PRKN: variants seen among roughly 807,000 people sequenced by gnomAD.
PRKN encodes E3 ubiquitin-protein ligase parkin.
Under a neutral mutation model 59.5 loss-of-function variants are expected in PRKN, and 56 were observed. The observed-to-expected ratio is 0.94, with a 90% CI of 0.76 to 1.18. The LOEUF (loss-of-function observed/expected upper bound fraction) is 1.18, where lower values mean the gene tolerates loss of function less well. Ranked by LOEUF, PRKN falls within the 50% of genes most tolerant of loss-of-function variation. PRKN has a pLI of 0.00. For synonymous variants in PRKN, 250 were observed against 222.1 expected, an observed-to-expected ratio of 1.13 and a Z score of -1.12; for missense variants, 657 against 596.4, an observed-to-expected ratio of 1.10 and a Z score of -1.06.
intron 7 of PRKN, among the ~76,000 whole-genome samples, chr6:161,760,833 C>T (rs9458359): frequency 0.52 from 79,172 of 151,996 alleles, 20,795 homozygotes; most frequent in East Asian, 0.57. Context: ...CTGATGTTCC[C>T]TAATATTTGT....
Position 161,818,689 on chromosome 6 carries a change from A to G in PRKN, c.735-32781T>C, listed in dbSNP as rs1026044019. Among the ~76,000 whole-genome samples, 3 of 152,128 alleles carry G rather than the reference A, an allele frequency of 2.0e-5. No homozygotes were observed. In the East Asian group the frequency reaches 5.8e-4, roughly 29 times the overall value. On this transcript the variant is annotated intron_variant, in intron 6 of 11. Transcript: ENST00000366898. ...TTGGAAAGGTTACTAGATAGCAAGG[A>G]AAACCATTTTCACAGAAGGCAGTAA...
chr6:161,496,674 C>T (rs1777763032), intron 9 of PRKN, among the ~76,000 whole-genome samples: 1 of 152,158 alleles, frequency 6.6e-6, no homozygotes, highest in South Asian at 2.1e-4. Context: ...GGGATTATTA[C>T]AATTTAAGGG....
chr6:162,488,381 A>AG (rs1267750488), intron 1 of PRKN, among the ~76,000 whole-genome samples: 2 of 152,164 alleles, frequency 1.3e-5, no homozygotes, highest in Non-Finnish European at 2.9e-5. Flanking sequence ...AAGTGCCACC[A>AG]GTGTGGATGC....
At chr6:162,422,410 T>C (rs999963062) in intron 2 of PRKN, among the ~76,000 whole-genome samples, 2 of 152,126 alleles carry the variant, frequency 1.3e-5, no homozygotes, top group African/African-American at 4.8e-5. Flanking sequence ...TGAAACAGTA[T>C]CACATGGTAG....
chr6:161,831,205 G>A (rs574911958), intron 6 of PRKN, among the ~76,000 whole-genome samples: 3 of 152,312 alleles, frequency 2.0e-5, no homozygotes, highest in South Asian at 2.1e-4. Flanking sequence ...CAGGTGGTCT[G>A]CAGTTTCCAC....
At chr6:162,500,636 T>C (rs1331478748) in intron 1 of PRKN, among the ~76,000 whole-genome samples, 1 of 152,192 alleles carries the variant, frequency 6.6e-6, no homozygotes, top group Non-Finnish European at 1.5e-5. Context: ...TCTCTTTTCT[T>C]ACAATGGCTT....
At chr6:162,688,852 TTG>T (rs1420341155) in intron 1 of PRKN, among the ~76,000 whole-genome samples, 1 of 152,172 alleles carries the variant, frequency 6.6e-6, no homozygotes, top group Non-Finnish European at 1.5e-5. Context: ...ATCTTTATAA[TTG>T]TGTTTTTACT....
At chr6:161,624,096 G>A (rs1315480162) in intron 7 of PRKN, among the ~76,000 whole-genome samples, 1 of 152,160 alleles carries the variant, frequency 6.6e-6, no homozygotes, top group Non-Finnish European at 1.5e-5. Context: ...TTGACATCTT[G>A]TAATAAATAA....
At chr6:162,124,450 G>A (rs1167848733) in intron 4 of PRKN, among the ~76,000 whole-genome samples, 2 of 152,160 alleles carry the variant, frequency 1.3e-5, no homozygotes, top group South Asian at 4.1e-4. Flanking sequence ...AAGTTGTAAA[G>A]AGCCTAAGCC....
At chr6:162,630,026 C>T (rs947127098) in intron 1 of PRKN, among the ~76,000 whole-genome samples, 20 of 152,138 alleles carry the variant, frequency 1.3e-4, no homozygotes, top group African/African-American at 4.6e-4. Flanking sequence ...AGGATTATGA[C>T]TGATTCATCA....
intron 9 of PRKN, among the ~76,000 whole-genome samples, chr6:161,398,341 A>G (rs1362862298): frequency 6.6e-6 from 1 of 152,142 alleles, no homozygotes; most frequent in Non-Finnish European, 1.5e-5. Context: ...TTCACATCAC[A>G]GCACTGGCTC....
chr6:161,936,839 G>A (rs1249525955), intron 6 of PRKN, among the ~76,000 whole-genome samples: 1 of 149,878 alleles, frequency 6.7e-6, no homozygotes, highest in African/African-American at 2.5e-5. Flanking sequence ...AGGCTGAAGT[G>A]CAGTAGCGTG....
chr6:161,412,561 A>G (rs375915329), intron 9 of PRKN, among the ~76,000 whole-genome samples: 4 of 133,820 alleles, frequency 3.0e-5, no homozygotes, highest in African/African-American at 8.8e-5. Flanking sequence ...TTCCTCACTC[A>G]TTCCTCCGCT....
intron 4 of PRKN, among the ~76,000 whole-genome samples, chr6:162,095,819 T>A (rs1415922096): frequency 2.6e-5 from 4 of 152,124 alleles, no homozygotes; most frequent in African/African-American, 9.7e-5. Context: ...AGCTTTGAGA[T>A]CTTGGACAAT....
At position 162,236,001 on chromosome 6, in the gene PRKN, G is replaced by GAAAGAA. The variant is rs1554288899; in HGVS notation, c.412+26518_412+26523dup. Among the ~76,000 whole-genome samples, 1,210 of 121,178 alleles carry GAAAGAA rather than the reference G, an allele frequency of 1.0e-2. 31 individuals are homozygous for GAAAGAA. Among genetic ancestry groups the GAAAGAA allele is most frequent in the African/African-American group, 0.037 (945 of 25,594 alleles). The allele number at this position is 121,178 out of a possible 152,430, so 79.5% of individuals were successfully genotyped here. ...AGAAAGAAAGAAAGAAAGAAAGAAA[G>GAAAGAA]AAAGAAAGAAAGAAAGAAAGAAACT... On this transcript the variant is annotated intron_variant, in intron 3 of 11. Transcript: ENST00000366898.
chr6:162,351,837 TGTGTGTGTGTATGG>T (rs1784640398), intron 2 of PRKN, among the ~76,000 whole-genome samples: 1 of 152,130 alleles, frequency 6.6e-6, no homozygotes, highest in African/African-American at 2.4e-5. Context: ...TGTGTTTGTG[TGTGTGTGTGTATGG>T]GTGTGTGTTT....
chr6:161,629,881 A>G (rs555241193), intron 7 of PRKN, among the ~76,000 whole-genome samples: 5 of 152,280 alleles, frequency 3.3e-5, no homozygotes, highest in African/African-American at 1.2e-4. Context: ...AGCTTTGTTG[A>G]CAAGCCCTTT....
intron 7 of PRKN, among the ~76,000 whole-genome samples, chr6:161,608,275 C>T (rs1381568056): frequency 6.6e-6 from 1 of 152,008 alleles, no homozygotes; most frequent in Non-Finnish European, 1.5e-5. Flanking sequence ...TTTACCCAAA[C>T]CCAAGTGAAC....
At chr6:162,142,363 C>A (rs1006582124) in intron 4 of PRKN, among the ~76,000 whole-genome samples, 1 of 152,142 alleles carries the variant, frequency 6.6e-6, no homozygotes, top group Non-Finnish European at 1.5e-5. Flanking sequence ...CTGCCAGGTA[C>A]TTGATGTATG....
Sources: gnomAD v4.1 joint callset for allele counts (sites outside exome capture counted in the v4.1 genomes callset) on GRCh38, gnomAD v4.1.1 for gene constraint, MANE v1.5 for transcripts, NCBI Gene and HGNC (gene_info 2026-07-23, HGNC 2026-07-21) for gene names.